SLF1: variants seen among roughly 807,000 people sequenced by gnomAD.
SLF1 encodes the protein SMC5/6 complex localization factor 1, also known as SMC5-SMC6 complex localization factor protein 1.
SLF1 carries 105 observed loss-of-function variants against 123.0 expected under a neutral mutation model. That is an observed-to-expected ratio of 0.85 (90% CI 0.73 to 1.00). The LOEUF (loss-of-function observed/expected upper bound fraction) is 1.00. Ranked by LOEUF, SLF1 falls within the 50% of genes least tolerant of loss-of-function variation. The probability of loss-of-function intolerance (pLI) is 0.00; values close to 1 mark genes in which losing one functional copy is unlikely to be tolerated. For synonymous variants in SLF1, 434 were observed against 406.6 expected, an observed-to-expected ratio of 1.07 and a Z score of -0.81; for missense variants, 1,239 against 1,223.0, an observed-to-expected ratio of 1.01 and a Z score of -0.20.
intron 9 of SLF1, among the ~76,000 whole-genome samples, chr5:94,660,094 C>T (rs1748903897): frequency 6.6e-6 from 1 of 152,168 alleles, no homozygotes; most frequent in East Asian, 1.9e-4. Flanking sequence ...TCCACAGGTT[C>T]TCAGACAATG....
chr5:94,654,825 A>G, intron 9 of SLF1, 73 bp downstream of exon 9: 1 of 1,036,678 alleles, frequency 9.6e-7, no homozygotes, highest in East Asian at 3.5e-5. Context: ...ATAATTATAT[A>G]TACATATATA....
chr5:94,680,334 T>G (rs1185762885), intron 15 of SLF1, among the ~76,000 whole-genome samples: 1 of 152,178 alleles, frequency 6.6e-6, no homozygotes, highest in Non-Finnish European at 1.5e-5. Flanking sequence ...AGGGGGTGAT[T>G]ACAGTTCCTT....
At chr5:94,679,339 C>A (rs184449306) in intron 15 of SLF1, among the ~76,000 whole-genome samples, 14 of 152,276 alleles carry the variant, frequency 9.2e-5, no homozygotes, top group African/African-American at 3.4e-4. Flanking sequence ...CACCTGTAAT[C>A]CCAACCTACT....
At chr5:94,676,804 G>A (rs972747703) in intron 14 of SLF1, among the ~76,000 whole-genome samples, 2 of 152,192 alleles carry the variant, frequency 1.3e-5, no homozygotes, top group East Asian at 1.9e-4. Flanking sequence ...ATTTGCTTAT[G>A]TTTGCACAAT....
chr5:94,651,140 T>C (rs533879296), intron 6 of SLF1, among the ~76,000 whole-genome samples: 1 of 152,336 alleles, frequency 6.6e-6, no homozygotes, highest in East Asian at 1.9e-4. Flanking sequence ...GCCTATAGCA[T>C]TTAATACTGT....
intron 1 of SLF1, among the ~76,000 whole-genome samples, chr5:94,622,379 C>T (rs779051908): frequency 6.6e-6 from 1 of 152,120 alleles, no homozygotes; most frequent in Non-Finnish European, 1.5e-5. Context: ...ACCAAAATAA[C>T]AAACACTGAG....
At chr5:94,657,714 T>C (rs1748576620) in intron 9 of SLF1, among the ~76,000 whole-genome samples, 1 of 152,086 alleles carries the variant, frequency 6.6e-6, no homozygotes, top group Non-Finnish European at 1.5e-5. Context: ...TGGATTTATA[T>C]ATCTGGGTGC....
chr5:94,680,730 C>A (rs1751664181), intron 15 of SLF1, among the ~76,000 whole-genome samples: 1 of 152,140 alleles, frequency 6.6e-6, no homozygotes, highest in African/African-American at 2.4e-5. Context: ...ATTCTACTAC[C>A]TGTTATACAT....
rs779939275 is a variant in SLF1, at chr5:94,649,493, G to A, written c.634G>A (p.Val212Ile). The part of the protein sequence containing the change: ...QNDEDSQTNS[V>I]WTEHSNEETN... The stretch of plus-strand genomic sequence containing the variant: ...TGATGAAGATTCCCAAACCAATTCT[G>A]TTTGGACTGAACATAGCAATGAAGA... The change falls in exon 6 of 21, where the codon GTT becomes ATT. Residue 212 changes from valine to isoleucine, a missense_variant. Transcript: ENST00000265140. 5.2e-6 allele frequency: 8 copies of A among 1,527,964 alleles called. No homozygotes were observed. Among genetic ancestry groups the A allele is most frequent in the Non-Finnish European group, 8.8e-7 (1 of 1,131,614 alleles). 94.7% of individuals were successfully genotyped at this position (1,527,964 alleles called of 1,614,324 possible). A position where few individuals can be genotyped will look rare whatever the true frequency, so the allele number is the denominator to read the frequency against.
intron 14 of SLF1, among the ~76,000 whole-genome samples, chr5:94,675,696 TGAAAA>T (rs1199563872): frequency 6.6e-6 from 1 of 152,100 alleles, no homozygotes; most frequent in African/African-American, 2.4e-5. Flanking sequence ...GCTAATGACA[TGAAAA>T]GAACAACAAC....
rs919455910 is a variant in SLF1 at position 94,695,584 on chromosome 5, G to A, written c.*272G>A. 79 of 203,402 alleles carry A rather than the reference G, an allele frequency of 3.9e-4. No homozygotes were observed. The highest frequency in any genetic ancestry group is 1.7e-3 in the African/African-American group (73 of 43,110). 12.6% of individuals were successfully genotyped at this position (203,402 alleles called of 1,614,324 possible). A position where few individuals can be genotyped will look rare whatever the true frequency, so the allele number is the denominator to read the frequency against. On this transcript the variant is annotated 3_prime_UTR_variant, in exon 21 of 21. Coordinates refer to ENST00000265140, the MANE Select transcript of SLF1 (RefSeq NM_032290.4). ...TCATTAATGTTTTTTTGTTCTGAAA[G>A]TGATATTATATTGTACATGTAAAAT...
intron 7 of SLF1, 47 bp from the exon 8 acceptor site, chr5:94,653,225 C>A: frequency 7.0e-7 from 1 of 1,430,306 alleles, no homozygotes; most frequent in Non-Finnish European, 9.3e-7. Flanking sequence ...GATTTTGTAA[C>A]ATATGTCATT....
intron 8 of SLF1, among the ~76,000 whole-genome samples, 169 bp downstream of exon 8, chr5:94,653,590 A>G (rs1454189489): frequency 1.3e-5 from 2 of 152,206 alleles, no homozygotes; most frequent in East Asian, 1.9e-4. Flanking sequence ...ATGTACTTGT[A>G]CATGCATATA....
chr5:94,641,568 T>G (rs529881476), intron 4 of SLF1, among the ~76,000 whole-genome samples: 1 of 152,188 alleles, frequency 6.6e-6, no homozygotes, highest in African/African-American at 2.4e-5. Flanking sequence ...TTGTGCTTAT[T>G]ATGGGGACTG....
intron 18 of SLF1, among the ~76,000 whole-genome samples, 179 bp downstream of exon 18, chr5:94,689,785 A>T (rs1242678179): frequency 6.6e-6 from 1 of 152,168 alleles, no homozygotes; most frequent in Non-Finnish European, 1.5e-5. Flanking sequence ...AAAGAAAGTG[A>T]TTGTTTAATA....
At chr5:94,687,211 T>TAGGTGAGTGCCTGC (rs554441848) in intron 16 of SLF1, among the ~76,000 whole-genome samples, 10 of 152,198 alleles carry the variant, frequency 6.6e-5, no homozygotes, top group South Asian at 2.1e-4. Context: ...TGAGTGCCTG[T>TAGGTGAGTGCCTGC]AGGTGAGTGC....
At chr5:94,665,761 AAGTT>A (rs1172392453) in intron 11 of SLF1, 96 bp from the exon 12 acceptor site, 87 of 1,097,580 alleles carry the variant, frequency 7.9e-5, no homozygotes, top group Non-Finnish European at 9.4e-5. Context: ...TCAAAAAAGA[AAGTT>A]AGGCCAGGGT....
In SLF1 at chr5:94,678,800, A is replaced by T. The variant is rs764385083; in HGVS notation, c.1828-8A>T. On this transcript the variant is annotated splice_region_variant and splice_polypyrimidine_tract_variant and intron_variant, in intron 14 of 20. Transcript: ENST00000265140. The stretch of plus-strand genomic sequence containing the variant: ...TATTTTAGTAATTTTTTTGTATCTT[A>T]ATGTTAGGTCTTCAAACATGAACTA... The T allele has an allele frequency of 6.2e-7, 1 of 1,605,846 alleles. No individual in the cohort carries two copies.
At chr5:94,662,165 G>T in intron 9 of SLF1, 133 bp from the exon 10 acceptor site, 1 of 565,194 alleles carries the variant, frequency 1.8e-6, no homozygotes, top group Non-Finnish European at 2.8e-6. Context: ...GAGTAAATAT[G>T]AGTATCATAT....
Sources: allele counts gnomAD v4.1 joint callset (sites outside exome capture counted in the v4.1 genomes callset), GRCh38; gene constraint gnomAD v4.1.1; transcripts MANE v1.5; gene names NCBI Gene and HGNC (gene_info 2026-07-23, HGNC 2026-07-21).